ARHGAP26: variants seen among roughly 807,000 people sequenced by gnomAD.
ARHGAP26 encodes rho GTPase-activating protein 26.
Under a neutral mutation model 104.8 loss-of-function variants are expected in ARHGAP26, and 38 were observed. The observed-to-expected ratio is 0.36, with a 90% confidence interval of 0.28 to 0.48. The LOEUF (loss-of-function observed/expected upper bound fraction) is 0.48, where lower values mean the gene tolerates loss of function less well. Among genes scored for constraint, ARHGAP26 ranks in the 20% least tolerant of loss-of-function variants. The probability of loss-of-function intolerance (pLI) is 0.99; values close to 1 mark genes in which losing one functional copy is unlikely to be tolerated. For synonymous variants in ARHGAP26, 341 were observed against 340.0 expected (o/e 1.00, Z -0.03); for missense variants, 704 against 947.9 (o/e 0.74, Z 3.38).
intron 11 of ARHGAP26, among the ~76,000 whole-genome samples, chr5:142,978,227 GGTC>G (rs2152721966): frequency 6.6e-6 from 1 of 152,296 alleles, no homozygotes; most frequent in Admixed American, 6.5e-5. Context: ...ATGAGTGGTA[GGTC>G]ATGGTCAAAG....
intron 12 of ARHGAP26, among the ~76,000 whole-genome samples, chr5:143,029,567 G>A (rs1781581660): frequency 6.8e-6 from 1 of 147,004 alleles, no homozygotes; most frequent in Admixed American, 6.6e-5. Context: ...ACCATGCCCA[G>A]CAAATTTTTT....
chr5:143,197,549 T>C (rs1488943629), intron 20 of ARHGAP26, among the ~76,000 whole-genome samples: 1 of 152,242 alleles, frequency 6.6e-6, no homozygotes, highest in African/African-American at 2.4e-5. Flanking sequence ...TTCTTGCCCA[T>C]TTCCCACTTG....
At chr5:143,072,442 C>T (rs553525717) in intron 17 of ARHGAP26, among the ~76,000 whole-genome samples, 50 of 152,344 alleles carry the variant, frequency 3.3e-4, no homozygotes, top group Middle Eastern at 3.4e-3. Context: ...ATTGAAGAGA[C>T]ATCTGCACAC....
chr5:142,994,213 A>C (rs1175732383), intron 11 of ARHGAP26, among the ~76,000 whole-genome samples: 3 of 152,208 alleles, frequency 2.0e-5, no homozygotes, highest in Non-Finnish European at 4.4e-5. Context: ...AGGAGCACGT[A>C]TAGGTAGGGC....
chr5:142,906,137 A>G (rs753441180), intron 8 of ARHGAP26, among the ~76,000 whole-genome samples: 18 of 152,198 alleles, frequency 1.2e-4, no homozygotes, highest in Non-Finnish European at 2.5e-4. Flanking sequence ...CAAATCCTAC[A>G]TAAGAGTTCT....
intron 11 of ARHGAP26, among the ~76,000 whole-genome samples, chr5:142,953,594 C>T (rs1331711065): frequency 1.3e-5 from 2 of 152,202 alleles, no homozygotes; most frequent in South Asian, 2.1e-4. Flanking sequence ...AGTCCTGACC[C>T]TGGAGAACAC....
intron 1 of ARHGAP26, among the ~76,000 whole-genome samples, chr5:142,790,459 G>A (rs909458926): frequency 6.6e-6 from 1 of 152,122 alleles, no homozygotes; most frequent in Non-Finnish European, 1.5e-5. Context: ...AGTGATCTTG[G>A]TAAGATAGAA....
intron 1 of ARHGAP26, among the ~76,000 whole-genome samples, chr5:142,805,791 G>A (rs1762878682): frequency 6.6e-6 from 1 of 152,198 alleles, no homozygotes; most frequent in African/African-American, 2.4e-5. Flanking sequence ...TATGAAGCCA[G>A]TGTTCCTTTC....
intron 20 of ARHGAP26, among the ~76,000 whole-genome samples, chr5:143,189,069 A>C (rs1805539182): frequency 6.6e-6 from 1 of 152,256 alleles, no homozygotes; most frequent in Non-Finnish European, 1.5e-5. Flanking sequence ...CTTTACCAAG[A>C]AACAATTTCT....
chr5:142,879,498 C>A, intron 4 of ARHGAP26, 53 bp downstream of exon 4: 1 of 1,452,010 alleles, frequency 6.9e-7, no homozygotes, highest in Non-Finnish European at 9.4e-7. Flanking sequence ...GTCTGGAAAA[C>A]ATAGCACCTT....
At position 142,993,263 on chromosome 5, in the gene ARHGAP26, G is replaced by A. The variant is rs191845963; in HGVS notation, c.1108-20817G>A. Among the ~76,000 whole-genome samples the A allele has an allele frequency of 3.7e-3, 551 of 148,744 alleles. 3 individuals are homozygous for A. Among genetic ancestry groups the A allele is most frequent in the African/African-American group, 0.013 (527 of 40,352 alleles). On this transcript the variant is annotated intron_variant, in intron 11 of 22. Coordinates refer to ENST00000645722, the MANE Select transcript of ARHGAP26 (RefSeq NM_001135608.3). ...CGGCTCACTGCAAGCTCCGCTTCCC[G>A]GGTTCACGCCATTCTCCTGCCTCAG...
At chr5:142,971,947 C>G (rs187375875) in intron 11 of ARHGAP26, among the ~76,000 whole-genome samples, 2 of 152,004 alleles carry the variant, frequency 1.3e-5, no homozygotes, top group African/African-American at 4.8e-5. Context: ...TTTGGGAGGT[C>G]GAGGCGGGCA....
chr5:143,062,614 T>C (rs936843289), intron 17 of ARHGAP26, among the ~76,000 whole-genome samples: 1 of 151,612 alleles, frequency 6.6e-6, no homozygotes, highest in African/African-American at 2.4e-5. Context: ...ATTTCTTTAA[T>C]GATCTAGAAA....
In ARHGAP26 at chr5:143,041,895, G is replaced by A; in HGVS notation, c.1285+5G>A. ...AGTTGCTGAGTGTCCTGATGGGTGA[G>A]TGCCGCAGTGGCTCTGCTAGGCAGG... On this transcript the variant is annotated splice_donor_5th_base_variant and intron_variant, in intron 14 of 22. Transcript: ENST00000645722. 6.3e-7 allele frequency: 1 copy of A among 1,580,422 alleles called. No homozygotes were observed. The highest frequency in any genetic ancestry group is 1.3e-5 in the African/African-American group (1 of 74,176).
At chr5:142,800,255 C>T (rs575269432) in intron 1 of ARHGAP26, among the ~76,000 whole-genome samples, 6 of 152,262 alleles carry the variant, frequency 3.9e-5, no homozygotes, top group East Asian at 1.9e-4. Context: ...GCAGCTTATT[C>T]GCTTCTGTTC....
intron 11 of ARHGAP26, among the ~76,000 whole-genome samples, chr5:142,978,728 T>C (rs1252571070): frequency 6.6e-6 from 1 of 150,974 alleles, no homozygotes; most frequent in East Asian, 2.0e-4. Context: ...TGGAGCTTTA[T>C]GTCAAGAAAG....
intron 1 of ARHGAP26, among the ~76,000 whole-genome samples, chr5:142,809,936 T>G (rs389003): frequency 0.26 from 39,257 of 152,166 alleles, 8,118 homozygotes; most frequent in African/African-American, 0.55. Context: ...GGTGCAGGTT[T>G]TAGTATCATT....
chr5:142,778,434 C>T (rs549068716), intron 1 of ARHGAP26, among the ~76,000 whole-genome samples: 16 of 152,164 alleles, frequency 1.1e-4, no homozygotes, highest in African/African-American at 3.6e-4. Context: ...TTTTCTTGTC[C>T]TTTTTCTGCG....
chr5:143,068,156 C>T (rs926671727), intron 17 of ARHGAP26, among the ~76,000 whole-genome samples: 1 of 152,160 alleles, frequency 6.6e-6, no homozygotes, highest in South Asian at 2.1e-4. Context: ...GAGAGCAACA[C>T]CTTGTCTCAA....
Sources: allele counts gnomAD v4.1 joint callset (sites outside exome capture counted in the v4.1 genomes callset), GRCh38; gene constraint gnomAD v4.1.1; transcripts MANE v1.5; gene names NCBI Gene and HGNC (gene_info 2026-07-23, HGNC 2026-07-21).